PIK3C3: variants seen among roughly 807,000 people sequenced by gnomAD.
PIK3C3 encodes PI3-kinase type 3.
Under a neutral mutation model 126.1 loss-of-function variants are expected in PIK3C3, and 95 were observed. The ratio of observed to expected loss-of-function variants is 0.75; its 90% CI spans 0.64 to 0.89. The LOEUF is 0.89. PIK3C3 is among the 40% of genes least tolerant of loss of function. PIK3C3 has a pLI of 0.00. For synonymous variants in PIK3C3, 374 were observed against 360.0 expected, an observed-to-expected ratio of 1.04 and a Z score of -0.44; for missense variants, 829 against 1,063.2, an observed-to-expected ratio of 0.78 and a Z score of 3.06.
intron 10 of PIK3C3, among the ~76,000 whole-genome samples, chr18:42,011,378 T>C (rs1282057556): frequency 6.6e-6 from 1 of 152,236 alleles, no homozygotes; most frequent in African/African-American, 2.4e-5. Context: ...TACTTGTTGC[T>C]TTGCTTTGTG....
chr18:41,977,487 T>C (rs746605915), intron 4 of PIK3C3, among the ~76,000 whole-genome samples: 18 of 151,878 alleles, frequency 1.2e-4, no homozygotes, highest in Non-Finnish European at 2.5e-4. Flanking sequence ...AGTGGCTATA[T>C]AGATATATGT....
Position 41,997,055 on chromosome 18 carries a change from C to A in PIK3C3, c.984+325C>A, listed in dbSNP as rs182242842. ...CATGGTGTCCTTATTATTCTAATGG[C>A]GACAGTTCTCCTTCACAAGTAAGAT... is the stretch of plus-strand genomic sequence containing the variant. On this transcript the variant is annotated intron_variant, in intron 9 of 24. Transcript: ENST00000262039. Among the ~76,000 whole-genome samples, 337 of 152,070 alleles carry A rather than the reference C, an allele frequency of 2.2e-3. 1 individual carries two copies. The highest frequency in any genetic ancestry group is 7.5e-3 in the African/African-American group (311 of 41,486).
At chr18:42,019,750 A>C (rs984096828) in intron 12 of PIK3C3, among the ~76,000 whole-genome samples, 1 of 152,118 alleles carries the variant, frequency 6.6e-6, no homozygotes, top group Non-Finnish European at 1.5e-5. Flanking sequence ...TCAAACATGT[A>C]TTTGATCTCC....
intron 9 of PIK3C3, among the ~76,000 whole-genome samples, chr18:41,999,852 G>T (rs548154312): frequency 2.6e-5 from 4 of 152,058 alleles, no homozygotes; most frequent in Non-Finnish European, 5.9e-5. Flanking sequence ...TTTTTATTTG[G>T]TGGTCATTTT....
chr18:42,058,089 T>C, intron 22 of PIK3C3, 38 bp downstream of exon 22: 2 of 1,483,148 alleles, frequency 1.3e-6, no homozygotes, highest in Non-Finnish European at 1.8e-6. Flanking sequence ...TTTGGGTAAA[T>C]TTATTTTATT....
intron 4 of PIK3C3, among the ~76,000 whole-genome samples, chr18:41,972,021 A>G (rs1162001635): frequency 6.6e-6 from 1 of 152,088 alleles, no homozygotes; most frequent in Admixed American, 6.6e-5. Context: ...TGTAACAACT[A>G]TGACATTTTT....
chr18:42,040,067 T>A (rs763352039), intron 18 of PIK3C3, among the ~76,000 whole-genome samples: 21 of 152,052 alleles, frequency 1.4e-4, no homozygotes, highest in Admixed American at 4.6e-4. Context: ...CTTTTTTTTT[T>A]AATATATCCA....
At chr18:41,963,618 A>G (rs187664560) in intron 3 of PIK3C3, among the ~76,000 whole-genome samples, 1 of 152,298 alleles carries the variant, frequency 6.6e-6, no homozygotes, top group Admixed American at 6.5e-5. Flanking sequence ...GAAATGCTAT[A>G]GATCTGTCTG....
chr18:42,022,087 G>C (rs1016845599), intron 13 of PIK3C3, among the ~76,000 whole-genome samples: 12 of 152,126 alleles, frequency 7.9e-5, no homozygotes, highest in African/African-American at 2.9e-4. Context: ...GCTCTGCTGG[G>C]TACTGCCCCT....
At chr18:42,016,482 A>G (rs886735306) in intron 12 of PIK3C3, among the ~76,000 whole-genome samples, 1 of 152,140 alleles carries the variant, frequency 6.6e-6, no homozygotes, top group African/African-American at 2.4e-5. Context: ...GAACTGTTCT[A>G]CATGCTGGGG....
chr18:41,957,625 C>G lies in PIK3C3; in HGVS notation c.124C>G (p.Pro42Ala), dbSNP rs1979850555. 4 of 1,612,224 alleles carry G rather than the reference C, an allele frequency of 2.5e-6. No homozygotes were observed. Among genetic ancestry groups the G allele is most frequent in the Non-Finnish European group, 2.5e-6 (3 of 1,179,370 alleles). ...GAGTTATAAAGCTGTCCTGGAAGAC[C>G]CAATGTTGAAGTTCTCAGGACTATA... ...QKSYKAVLED[P>A]MLKFSGLYQE... is the part of the protein sequence containing the mutation. Residue 42 changes from proline (P) to alanine (A), a missense_variant, in exon 2 of 25, where the codon CCA (proline) becomes GCA (alanine). Physicochemically the swap from Pro to Ala is conservative, Grantham distance 27. Transcript: ENST00000262039.
intron 16 of PIK3C3, among the ~76,000 whole-genome samples, chr18:42,036,297 G>A (rs1456575951): frequency 2.0e-5 from 3 of 152,082 alleles, no homozygotes; most frequent in Non-Finnish European, 4.4e-5. Flanking sequence ...AGACAACCGT[G>A]TATCTACCAC....
intron 9 of PIK3C3, among the ~76,000 whole-genome samples, chr18:42,004,011 G>C (rs1354517422): frequency 6.6e-6 from 1 of 152,096 alleles, no homozygotes; most frequent in African/African-American, 2.4e-5. Flanking sequence ...TTTCTCTAAG[G>C]CATCTTAGAG....
intron 24 of PIK3C3, among the ~76,000 whole-genome samples, chr18:42,071,830 A>T (rs1484815748): frequency 2.6e-5 from 4 of 152,020 alleles, no homozygotes; most frequent in Non-Finnish European, 4.4e-5. Context: ...ATCCTAAGGG[A>T]TGAACTTAAA....
At chr18:41,994,924 G>A (rs1053640998) in intron 7 of PIK3C3, among the ~76,000 whole-genome samples, 4 of 152,064 alleles carry the variant, frequency 2.6e-5, no homozygotes, top group African/African-American at 9.7e-5. Flanking sequence ...TGTAGTCCCA[G>A]CTACTTGGGA....
rs1455699984 is a variant in PIK3C3 at position 42,067,391 on chromosome 18, C to T, written c.2527C>T (p.Gln843Ter). 6.2e-7 allele frequency: 1 copy of T among 1,613,894 alleles called. No individual in the cohort carries two copies. The highest frequency in any genetic ancestry group is 1.7e-5 in the Admixed American group (1 of 60,022). Residue 843 changes from glutamine (Q) to a stop codon, truncating the protein, a stop_gained, in exon 24 of 25, where the codon CAG becomes TAG. Coordinates refer to ENST00000262039, the MANE Select transcript of PIK3C3 (RefSeq NM_002647.4). LOFTEE classifies it high-confidence loss of function. Reference protein sequence around the residue: ...LEPDKTVKKVQDKFRLDLSDE... With the variant: ...LEPDKTVKKV ...GACTAAGAGTGTTATCTTATAGGTT[C>T]AGGATAAATTCCGCTTAGACCTGTC... is the stretch of plus-strand genomic sequence containing the variant.
chr18:41,962,454 T>C lies in PIK3C3; in HGVS notation c.258-35T>C, dbSNP rs758896371. 3 of 1,550,936 alleles carry C rather than the reference T, an allele frequency of 1.9e-6. No homozygotes were observed. In the South Asian group the frequency reaches 3.6e-5, roughly 19 times the overall value. ...AATTTAAAAGAAAGATATATATATA[T>C]GTATTTCTGATTTATGTTAACTTCA... On this transcript the variant is annotated intron_variant, in intron 2 of 24. Transcript: ENST00000262039.
rs2469471 is a variant in PIK3C3, at chr18:42,041,605, G to T, written c.2103+864G>T. Among the ~76,000 whole-genome samples the T allele has an allele frequency of 3.4e-5, 5 of 148,970 alleles. No individual in the cohort carries two copies. The South Asian group carries it at 6.4e-4, about 19-fold the overall frequency. On this transcript the variant is annotated intron_variant, in intron 19 of 24. Transcript: ENST00000262039. ...TCCCTTTGTAAAAAAAAAAAAAAAG[G>T]TATGTAATTAAAACAAAAATGGATA...
In PIK3C3 at chr18:42,020,662, T is replaced by C; in HGVS notation, c.1441T>C (p.Ser481Pro). The part of the protein sequence containing the change: ...LEQDLCTFLI[S>P]RACKNSTLAN... ...GCAAGATCTCTGTACCTTCTTGATATCGAGAGCCTGCAAAAACTCAACACT... is the reference window on the plus strand; with the variant it reads ...GCAAGATCTCTGTACCTTCTTGATACCGAGAGCCTGCAAAAACTCAACACT... Residue 481 changes from serine to proline, a missense_variant, in exon 13 of 25, where the codon TCG becomes CCG. This residue lies in a region of PIK3C3 where 256 missense variants were observed against 291.0 expected (regional missense o/e 0.88). Coordinates refer to ENST00000262039, the MANE Select transcript of PIK3C3 (RefSeq NM_002647.4). 6.2e-7 allele frequency: 1 copy of C among 1,605,286 alleles called. No individual in the cohort carries two copies. The highest frequency in any genetic ancestry group is 8.5e-7 in the Non-Finnish European group (1 of 1,173,106).
Sources: allele counts gnomAD v4.1 joint callset (sites outside exome capture counted in the v4.1 genomes callset), GRCh38; gene constraint gnomAD v4.1.1; regional missense constraint gnomAD v4.1.1; transcripts MANE v1.5; gene names NCBI Gene and HGNC (gene_info 2026-07-23, HGNC 2026-07-21).